GPC3: variants seen among roughly 807,000 people sequenced by gnomAD.
The protein encoded by GPC3 is glypican-3.
Under a neutral mutation model 34.4 loss-of-function variants are expected in GPC3, and 3 were observed. The ratio of observed to expected loss-of-function variants is 0.09; its 90% confidence interval spans 0.04 to 0.23. The LOEUF (loss-of-function observed/expected upper bound fraction) is 0.23, where lower values mean the gene tolerates loss of function less well. GPC3 is among the 10% of genes least tolerant of loss of function. The pLI, the probability that GPC3 is intolerant of heterozygous loss-of-function variation, is 1.00. For synonymous variants in GPC3, 177 were observed against 174.0 expected (o/e 1.02, Z -0.13); for missense variants, 351 against 445.6 (o/e 0.79, Z 1.91).
At chrX:133,762,836 G>T in intron 2 of GPC3, 1 of 526,655 alleles carries the variant, frequency 1.9e-6, no homozygotes, top group Admixed American at 2.3e-5. Flanking sequence ...AAATAGAAGG[G>T]TGTCCTTAAG....
At chrX:133,962,524 A>G (rs2076446092) in intron 1 of GPC3, among the ~76,000 whole-genome samples, 1 of 111,884 alleles carries the variant, frequency 8.9e-6, no homozygotes, top group African/African-American at 3.2e-5. Context: ...ATACACGCAC[A>G]TCATTGATTA....
At chrX:133,898,791 C>T (rs760253522) in intron 2 of GPC3, among the ~76,000 whole-genome samples, 3 of 112,069 alleles carry the variant, frequency 2.7e-5, no homozygotes, top group Non-Finnish European at 3.8e-5. Context: ...TCACACACTG[C>T]AACTTCCCAA....
At chrX:133,603,915 G>A (rs1437131224) in intron 6 of GPC3, among the ~76,000 whole-genome samples, 15 of 111,436 alleles carry the variant, frequency 1.3e-4, no homozygotes, top group Non-Finnish European at 5.7e-5. Flanking sequence ...GTTCGGAGAG[G>A]GATCAAATAT....
At chrX:133,633,230 T>A (rs1391029342) in intron 6 of GPC3, among the ~76,000 whole-genome samples, 5 of 112,434 alleles carry the variant, frequency 4.4e-5, no homozygotes, top group Admixed American at 2.8e-4. Context: ...TAGTTGGTTT[T>A]ATGTAAACTG....
chrX:133,715,006 T>C (rs1444155704), intron 3 of GPC3, among the ~76,000 whole-genome samples: 1 of 111,908 alleles, frequency 8.9e-6, no homozygotes, highest in Non-Finnish European at 1.9e-5. Flanking sequence ...CAAAGTATTG[T>C]TCCTGGGTGT....
chrX:133,929,600 A>G (rs964842198), intron 2 of GPC3, among the ~76,000 whole-genome samples: 7 of 111,421 alleles, frequency 6.3e-5, no homozygotes, highest in African/African-American at 2.3e-4. Context: ...TTCTTAGGGT[A>G]GTACATTGCC....
At chrX:133,869,325 G>T (rs1247185649) in intron 2 of GPC3, among the ~76,000 whole-genome samples, 1 of 112,068 alleles carries the variant, frequency 8.9e-6, no homozygotes, top group Non-Finnish European at 1.9e-5. Context: ...GAACACAGGG[G>T]TTTTGGACAT....
chrX:133,683,931 T>A (rs1426701662), intron 5 of GPC3, among the ~76,000 whole-genome samples: 4 of 112,043 alleles, frequency 3.6e-5, no homozygotes, highest in African/African-American at 9.7e-5. Context: ...GATTATTACA[T>A]GGGGGTACTC....
At chrX:133,798,376 C>A (rs928627508) in intron 2 of GPC3, among the ~76,000 whole-genome samples, 2 of 111,147 alleles carry the variant, frequency 1.8e-5, no homozygotes, top group African/African-American at 6.6e-5. Context: ...CAAAATGTTC[C>A]CCTTAATTGA....
At position 133,853,813 on chromosome X, in the gene GPC3, C is replaced by G. The variant is rs764351258; in HGVS notation, c.337+99237G>C. On this transcript the variant is annotated intron_variant, in intron 2 of 7. Coordinates refer to ENST00000370818, the MANE Select transcript of GPC3 (RefSeq NM_004484.4). ...GGCAAGGAGAATGGAGAAATCCAAA[C>G]TGCTTTGATGCACTGCTGTGAGGTG... is the stretch of plus-strand genomic sequence containing the variant. Among the ~76,000 whole-genome samples the G allele has an allele frequency of 3.6e-5, 4 of 112,152 alleles. No homozygotes were observed. In the South Asian group the frequency reaches 1.5e-3, roughly 42 times the overall value.
chrX:133,723,140 C>A (rs1377402370), intron 3 of GPC3, among the ~76,000 whole-genome samples: 1 of 111,669 alleles, frequency 9.0e-6, no homozygotes, highest in Non-Finnish European at 1.9e-5. Context: ...CTAGTATTTG[C>A]ACAACTTCAG....
At chrX:133,666,986 T>C (rs942261886) in intron 5 of GPC3, among the ~76,000 whole-genome samples, 1 of 112,366 alleles carries the variant, frequency 8.9e-6, no homozygotes, top group Middle Eastern at 4.7e-3. Context: ...ATGACCATTT[T>C]TAATCTTTAT....
chrX:133,750,351 C>T (rs2071654123), intron 3 of GPC3, among the ~76,000 whole-genome samples: 1 of 112,148 alleles, frequency 8.9e-6, no homozygotes, highest in African/African-American at 3.2e-5. Flanking sequence ...GGGGTCTAAG[C>T]GGGGACAGAC....
chrX:133,703,394 C>A (rs1375215540), intron 3 of GPC3, among the ~76,000 whole-genome samples: 1 of 110,451 alleles, frequency 9.1e-6, no homozygotes, highest in Non-Finnish European at 1.9e-5. Context: ...CAATAGTGCT[C>A]TGCAGGGTTA....
chrX:133,755,672 G>GA (rs985491088), intron 2 of GPC3, among the ~76,000 whole-genome samples: 6 of 111,842 alleles, frequency 5.4e-5, no homozygotes, highest in Non-Finnish European at 9.4e-5. Context: ...TGTCCCTGGG[G>GA]AAAAAAAATC....
chrX:133,979,648 T>G (rs760899679), intron 1 of GPC3, among the ~76,000 whole-genome samples: 3 of 111,823 alleles, frequency 2.7e-5, no homozygotes, highest in East Asian at 5.6e-4. Context: ...TTCACCTTGA[T>G]TTTTGAACAG....
chrX:133,701,055 T>C (rs997272768), intron 3 of GPC3, among the ~76,000 whole-genome samples: 1 of 111,352 alleles, frequency 9.0e-6, no homozygotes, highest in African/African-American at 3.3e-5. Context: ...CATTCATTCA[T>C]TCAAAAATAT....
At chrX:133,585,647 C>A (rs745654657) in intron 7 of GPC3, among the ~76,000 whole-genome samples, 1 of 111,782 alleles carries the variant, frequency 8.9e-6, no homozygotes, top group South Asian at 3.8e-4. Flanking sequence ...CCTACAGGGA[C>A]TGCTTCACTT....
intron 3 of GPC3, among the ~76,000 whole-genome samples, chrX:133,753,163 C>T (rs1231326572): frequency 1.8e-5 from 2 of 112,150 alleles, no homozygotes; most frequent in East Asian, 2.8e-4. Flanking sequence ...ATACCAGACA[C>T]GTGCTAAGTG....
Sources: gnomAD v4.1 joint callset for allele counts (sites outside exome capture counted in the v4.1 genomes callset) on GRCh38, gnomAD v4.1.1 for gene constraint, MANE v1.5 for transcripts, NCBI Gene and HGNC (gene_info 2026-07-23, HGNC 2026-07-21) for gene names.